RUVBL1: variants seen among roughly 807,000 people sequenced by gnomAD.
RUVBL1 encodes the protein ruvB-like 1.
A neutral mutation model predicts 52.4 loss-of-function variants in RUVBL1; 4 were observed. That is an observed-to-expected ratio of 0.08 (90% confidence interval 0.04 to 0.17). The LOEUF is 0.17. Among genes scored for constraint, RUVBL1 ranks in the 10% least tolerant of loss-of-function variants. RUVBL1 has a pLI of 1.00. For missense variants in RUVBL1, 298 were observed against 572.8 expected, an observed-to-expected ratio of 0.52 and a Z score of 4.90; for synonymous variants, 217 against 214.4, an observed-to-expected ratio of 1.01 and a Z score of -0.10.
At chr3:128,105,038 C>A in intron 3 of RUVBL1, 114 bp from the exon 4 acceptor site, 4 of 1,152,648 alleles carry the variant, frequency 3.5e-6, no homozygotes, top group Non-Finnish European at 4.8e-6. Context: ...AATGTACATT[C>A]CAGGGTGTCA....
At chr3:128,122,964 G>A (rs1448321872) in intron 1 of RUVBL1, among the ~76,000 whole-genome samples, 1 of 152,184 alleles carries the variant, frequency 6.6e-6, no homozygotes, top group Non-Finnish European at 1.5e-5. Flanking sequence ...AATTGGAATG[G>A]TCAAAAAGGA....
downstream of RUVBL1, chr3:128,075,857 C>T (rs1390440865): frequency 2.0e-5 from 3 of 152,398 alleles, no homozygotes; most frequent in East Asian, 3.9e-4. Context: ...GTCCTGCCTC[C>T]GCTGCCGCTT....
At position 128,067,662 on chromosome 3, in the gene RUVBL1, TA is replaced by T; in HGVS notation, c.940-2443del. ...AAGGGTGATGAAAGTGTGACTGGTA[TA>T]AGGGGTGTGGACTTGTCACCTCATC... On this transcript the variant is annotated intron_variant, in intron 9 of 9. Transcript: ENST00000464873. This position sits in a 1 kb window ranked among gnomAD's most constrained non-coding sequence, Gnocchi z 4.1. 2 of 1,433,732 alleles carry T rather than the reference TA, an allele frequency of 1.4e-6. No individual in the cohort carries two copies. The highest frequency in any genetic ancestry group is 1.9e-6 in the Non-Finnish European group (2 of 1,033,362). 88.8% of individuals were successfully genotyped at this position (1,433,732 alleles called of 1,614,324 possible).
At chr3:128,119,680 A>C (rs1943599992) in intron 1 of RUVBL1, among the ~76,000 whole-genome samples, 1 of 152,236 alleles carries the variant, frequency 6.6e-6, no homozygotes, top group Admixed American at 6.5e-5. Context: ...AAAAGGGATG[A>C]TGAGAGAGAA....
At chr3:128,125,047 C>T (rs1344771360), upstream of RUVBL1, among the ~76,000 whole-genome samples, 5 of 91,102 alleles carry the variant, frequency 5.5e-5, no homozygotes, top group Admixed American at 3.6e-4. Context: ...CGGAGTCTTG[C>T]TTTGTGGCCC....
chr3:128,100,503 A>G (rs1413740919), intron 6 of RUVBL1, 92 bp downstream of exon 6: 1 of 1,460,774 alleles, frequency 6.8e-7, no homozygotes, highest in African/African-American at 1.4e-5. Flanking sequence ...CTACCTCAAG[A>G]AAGGCAGCAA....
At chr3:128,150,409 ATGT>A (rs1944167981) in intron 1 of RUVBL1, among the ~76,000 whole-genome samples, 1 of 151,200 alleles carries the variant, frequency 6.6e-6, no homozygotes, top group Admixed American at 6.6e-5. Flanking sequence ...GTCAGAGATA[ATGT>A]TGTCCTCTTC....
At chr3:128,141,388 A>G (rs1159070553) in intron 1 of RUVBL1, among the ~76,000 whole-genome samples, 1 of 152,270 alleles carries the variant, frequency 6.6e-6, no homozygotes, top group Admixed American at 6.5e-5. Flanking sequence ...TCACAGGATT[A>G]TTAAGATAAT....
chr3:128,118,837 C>T (rs1943581782), intron 2 of RUVBL1, among the ~76,000 whole-genome samples: 1 of 152,206 alleles, frequency 6.6e-6, no homozygotes, highest in African/African-American at 2.4e-5. Context: ...GTCATGATTT[C>T]CTTTCTTTCT....
chr3:128,112,355 AG>A (rs1244205180), intron 3 of RUVBL1, among the ~76,000 whole-genome samples: 2 of 152,208 alleles, frequency 1.3e-5, no homozygotes, highest in Non-Finnish European at 2.9e-5. Context: ...CTCCCCTCAG[AG>A]GAGGGAAGGC....
rs57182193 is a variant in RUVBL1, at chr3:128,089,909, C to CA, written c.1017-2102dup. Among the ~76,000 whole-genome samples the CA allele has an allele frequency of 5.4e-4, 32 of 59,348 alleles. 1 individual carries two copies. Among genetic ancestry groups the CA allele is most frequent in the African/African-American group, 1.0e-3 (15 of 15,056 alleles). 38.9% of individuals were successfully genotyped at this position (59,348 alleles called of 152,430 possible). ...TGGGTGACAGAGTGAGACCCTATCTCAAAAAAAAAAAAAAAAAAAAAAAAA... is the reference window on the plus strand; with the variant it reads ...TGGGTGACAGAGTGAGACCCTATCTCAAAAAAAAAAAAAAAAAAAAAAAAAA... On this transcript the variant is annotated intron_variant, in intron 8 of 10. Coordinates refer to ENST00000322623, the MANE Select transcript of RUVBL1 (RefSeq NM_003707.3).
intron 1 of RUVBL1, among the ~76,000 whole-genome samples, chr3:128,122,443 A>C (rs1943671536): frequency 6.6e-6 from 1 of 152,246 alleles, no homozygotes; most frequent in South Asian, 2.1e-4. Context: ...GGAAGGGACA[A>C]CTAATACGTT....
chr3:128,088,366 AATC>A (rs1277236395), intron 8 of RUVBL1, among the ~76,000 whole-genome samples: 1 of 149,734 alleles, frequency 6.7e-6, no homozygotes, highest in Non-Finnish European at 1.5e-5. Flanking sequence ...ACTCAAAAAT[AATC>A]ATCTAGATAT....
chr3:128,118,594 T>G (rs1943576939), intron 2 of RUVBL1, among the ~76,000 whole-genome samples: 1 of 100,270 alleles, frequency 1.0e-5, no homozygotes, highest in Non-Finnish European at 2.8e-5. Context: ...CTGGTGAGTT[T>G]CAAGTATCTG....
In RUVBL1 at chr3:128,137,028, A is replaced by T. The variant is rs1471378159; in HGVS notation, c.-40+16175T>A. Among the ~76,000 whole-genome samples, 2 of 152,210 alleles carry T rather than the reference A, an allele frequency of 1.3e-5. 1 individual carries two copies. Among genetic ancestry groups the T allele is most frequent in the Non-Finnish European group, 2.9e-5 (2 of 68,036 alleles). ...TTCTTCCAACGGCTGCAGAATACAC[A>T]TTATTCTCCTCAGCACATGGATCAT... On this transcript the variant is annotated intron_variant, in intron 1 of 9. Transcript: ENST00000464873.
At chr3:128,076,733 A>G (rs905991747), downstream of RUVBL1, among the ~76,000 whole-genome samples, 6 of 152,018 alleles carry the variant, frequency 3.9e-5, no homozygotes, top group Non-Finnish European at 7.4e-5. The surrounding 1 kb of genome is among the most constrained non-coding windows in gnomAD (Gnocchi z 6.8). Context: ...AGCCCCGTGA[A>G]AACCTGCGCC....
At chr3:128,115,471 T>C (rs1267645248) in intron 2 of RUVBL1, among the ~76,000 whole-genome samples, 2 of 152,228 alleles carry the variant, frequency 1.3e-5, no homozygotes, top group Non-Finnish European at 2.9e-5. Flanking sequence ...GCAGTATTTC[T>C]GCCTGTCACC....
intron 9 of RUVBL1, chr3:128,071,617 G>A (rs1942169628): frequency 6.5e-6 from 1 of 152,716 alleles, no homozygotes; most frequent in South Asian, 2.1e-4. Flanking sequence ...TGTCACTGTG[G>A]ACGCCAAAAT....
At position 128,067,694 on chromosome 3, in the gene RUVBL1, T is replaced by C; in HGVS notation, c.940-2474A>G. The C allele has an allele frequency of 8.7e-7, 1 of 1,147,158 alleles. No homozygotes were observed. Among genetic ancestry groups the C allele is most frequent in the Non-Finnish European group, 1.3e-6 (1 of 794,910 alleles). The allele number at this position is 1,147,158 out of a possible 1,614,324, so 71.1% of individuals were successfully genotyped here. On this transcript the variant is annotated intron_variant, in intron 9 of 9. Coordinates refer to the RUVBL1 transcript ENST00000464873. This position sits in a 1 kb window ranked among gnomAD's most constrained non-coding sequence, Gnocchi z 4.1. ...TGTGGACTTGTCACCTCATCATAAATAATGGTCTGTGACGTGTGCAGATAG... is the reference window on the plus strand; with the variant it reads ...TGTGGACTTGTCACCTCATCATAAACAATGGTCTGTGACGTGTGCAGATAG...
Sources: allele counts gnomAD v4.1 joint callset (sites outside exome capture counted in the v4.1 genomes callset), GRCh38; gene constraint gnomAD v4.1.1; non-coding constraint Gnocchi (gnomAD v3.1); transcripts MANE v1.5; gene names NCBI Gene and HGNC (gene_info 2026-07-23, HGNC 2026-07-21).